Variants in PDE10A observed in about 807,000 individuals in gnomAD.
PDE10A encodes the protein cAMP and cAMP-inhibited cGMP 3',5'-cyclic phosphodiesterase 10A.
PDE10A carries 39 observed loss-of-function variants against 97.7 expected under a neutral mutation model. That is an observed-to-expected ratio of 0.40 (90% confidence interval 0.31 to 0.52). PDE10A has a LOEUF of 0.52. PDE10A is among the 20% of genes least tolerant of loss of function. The probability of loss-of-function intolerance (pLI) is 0.56; values close to 1 mark genes in which losing one functional copy is unlikely to be tolerated. For synonymous variants in PDE10A, 371 were observed against 376.8 expected (o/e 0.98, Z 0.18); for missense variants, 731 against 1,047.8 (o/e 0.70, Z 4.17).
At chr6:165,728,008 T>C (rs1340660672) in intron 1 of PDE10A, among the ~76,000 whole-genome samples, 1 of 152,206 alleles carries the variant, frequency 6.6e-6, no homozygotes, top group Non-Finnish European at 1.5e-5. Flanking sequence ...TGGGTCTTGG[T>C]CTTTAGTAGA....
At chr6:165,709,354 C>T (rs1048305196) in intron 1 of PDE10A, among the ~76,000 whole-genome samples, 1 of 145,204 alleles carries the variant, frequency 6.9e-6, no homozygotes, top group Non-Finnish European at 1.5e-5. Flanking sequence ...CTCCCCAACC[C>T]CAATGCTGCC....
At chr6:165,615,997 C>T (rs1787709790) in intron 1 of PDE10A, among the ~76,000 whole-genome samples, 1 of 152,206 alleles carries the variant, frequency 6.6e-6, no homozygotes, top group African/African-American at 2.4e-5. Context: ...TTTTTACCCA[C>T]AAATTTGAAT....
At chr6:165,942,572 C>T (rs528593137) in intron 1 of PDE10A, among the ~76,000 whole-genome samples, 1 of 152,216 alleles carries the variant, frequency 6.6e-6, no homozygotes, top group Non-Finnish European at 1.5e-5. Flanking sequence ...CGCCGCTCTG[C>T]CCCCGCTCTG....
chr6:165,923,883 C>T (rs6920023), intron 1 of PDE10A, among the ~76,000 whole-genome samples: 23,465 of 152,000 alleles, frequency 0.15, 2,113 homozygotes, highest in East Asian at 0.27. Context: ...TTTTACTTCT[C>T]AAACTTCAGC....
rs372343426 is a variant in PDE10A, at chr6:165,950,664, G to A, written c.-615+36865C>T. ...AGGCGGCCTTCTAGTCAGGAGGACA[G>A]CAGCTGCCAGCCCAGGAGTGGGTAC... On this transcript the variant is annotated intron_variant, in intron 1 of 19. Transcript: ENST00000366882. Among the ~76,000 whole-genome samples, 27 of 152,316 alleles carry A rather than the reference G, an allele frequency of 1.8e-4. No homozygotes were observed. The East Asian group carries it at 3.5e-3, about 20-fold the overall frequency.
chr6:165,670,954 C>T (rs1039188653), intron 1 of PDE10A, among the ~76,000 whole-genome samples: 7 of 152,122 alleles, frequency 4.6e-5, no homozygotes, highest in Admixed American at 4.6e-4. Context: ...TGCAAGTTGT[C>T]CCTATTGATC....
intron 1 of PDE10A, among the ~76,000 whole-genome samples, chr6:165,924,596 T>G (rs1254973009): frequency 6.6e-6 from 1 of 152,188 alleles, no homozygotes; most frequent in East Asian, 1.9e-4. Context: ...ATGGTTTCCA[T>G]GTTGCATAGA....
At chr6:165,563,774 C>A (rs1038147836) in intron 1 of PDE10A, among the ~76,000 whole-genome samples, 1 of 151,970 alleles carries the variant, frequency 6.6e-6, no homozygotes, top group African/African-American at 2.4e-5. Context: ...ACCTGTGATC[C>A]CAGCTACTTG....
chr6:165,897,013 T>C (rs1781970597), intron 1 of PDE10A, among the ~76,000 whole-genome samples: 1 of 152,140 alleles, frequency 6.6e-6, no homozygotes, highest in Admixed American at 6.5e-5. Flanking sequence ...AGAATCCTTA[T>C]AGAGGAGACA....
intron 2 of PDE10A, among the ~76,000 whole-genome samples, chr6:165,497,922 C>A (rs530576193): frequency 1.3e-5 from 2 of 152,220 alleles, no homozygotes; most frequent in Admixed American, 6.5e-5. Context: ...CTTGGATATT[C>A]AATAATACCT....
chr6:165,372,988 C>G (rs1562394403), intron 18 of PDE10A, among the ~76,000 whole-genome samples: 1 of 146,702 alleles, frequency 6.8e-6, no homozygotes, highest in Non-Finnish European at 1.5e-5. Flanking sequence ...AAAGGATTCC[C>G]TATTTAATAA....
intron 15 of PDE10A, among the ~76,000 whole-genome samples, chr6:165,393,101 C>G (rs1785845769): frequency 6.6e-6 from 1 of 152,162 alleles, no homozygotes; most frequent in African/African-American, 2.4e-5. Context: ...TCATGATCTT[C>G]TTTAGTTTTA....
rs914651756 is a variant in PDE10A at position 165,821,894 on chromosome 6, G to A, written c.-615+165635C>T. 1.3e-4 allele frequency among the ~76,000 whole-genome samples: 14 copies of A among 110,742 alleles called. No homozygotes were observed. In the Admixed American group the frequency reaches 1.4e-3, roughly 11 times the overall value. 72.7% of individuals were successfully genotyped at this position (110,742 alleles called of 152,430 possible). ...TGGTCAGTTAACTGAATTGAGTGAG[G>A]TGCCGGGTTTTTTTTTCCCTGCCTT... On this transcript the variant is annotated intron_variant, in intron 1 of 19. Transcript: ENST00000366882.
At chr6:165,565,855 T>C (rs376091181) in intron 1 of PDE10A, among the ~76,000 whole-genome samples, 1 of 152,090 alleles carries the variant, frequency 6.6e-6, no homozygotes, top group Non-Finnish European at 1.5e-5. Flanking sequence ...CAACAAATAG[T>C]GTCAGGAACA....
intron 1 of PDE10A, among the ~76,000 whole-genome samples, chr6:165,698,439 C>T (rs995820647): frequency 2.6e-5 from 4 of 152,116 alleles, no homozygotes; most frequent in East Asian, 1.9e-4. Flanking sequence ...TACTTGTAAT[C>T]GTAAATGTGA....
chr6:165,736,767 C>A (rs957786947), intron 1 of PDE10A, among the ~76,000 whole-genome samples: 6 of 152,124 alleles, frequency 3.9e-5, no homozygotes, highest in Non-Finnish European at 8.8e-5. Context: ...AAAGAACAAA[C>A]TAAGCCCAAA....
At chr6:165,795,005 T>C (rs1044278380) in intron 1 of PDE10A, among the ~76,000 whole-genome samples, 2 of 152,312 alleles carry the variant, frequency 1.3e-5, no homozygotes, top group East Asian at 3.9e-4. Flanking sequence ...AAACCTTATG[T>C]GACATGGGCT....
rs151120501 is a variant in PDE10A, at chr6:165,654,925, A to G, written c.865+7022T>C. Reference sequence around the variant, plus strand: ...GGGTCACACCTCTCCAGGGTGCTCCATGGCTCTGCCTTCTTCTGTCCTATC... The same window carrying G: ...GGGTCACACCTCTCCAGGGTGCTCCGTGGCTCTGCCTTCTTCTGTCCTATC... On this transcript the variant is annotated intron_variant, in intron 1 of 21. Transcript: ENST00000539869. 2.0e-5 allele frequency among the ~76,000 whole-genome samples: 3 copies of G among 152,226 alleles called. No homozygotes were observed. In the East Asian group the frequency reaches 5.8e-4, roughly 29 times the overall value.
At chr6:165,742,853 T>C (rs1429256589) in intron 1 of PDE10A, among the ~76,000 whole-genome samples, 1 of 152,176 alleles carries the variant, frequency 6.6e-6, no homozygotes, top group Non-Finnish European at 1.5e-5. Flanking sequence ...AAACAGAGAC[T>C]GCACGCAACA....
Sources: allele counts gnomAD v4.1 joint callset (sites outside exome capture counted in the v4.1 genomes callset), GRCh38; gene constraint gnomAD v4.1.1; transcripts MANE v1.5; gene names NCBI Gene and HGNC (gene_info 2026-07-23, HGNC 2026-07-21).